PDE4D: variants seen among roughly 807,000 people sequenced by gnomAD.
PDE4D encodes 3',5'-cyclic-AMP phosphodiesterase 4D.
In PDE4D, 24 loss-of-function variants were observed where a neutral mutation model predicts 87.4. The ratio of observed to expected loss-of-function variants is 0.27; its 90% CI spans 0.20 to 0.39. The LOEUF (loss-of-function observed/expected upper bound fraction) is 0.39, where lower values mean the gene tolerates loss of function less well. Ranked by LOEUF, PDE4D falls within the 10% of genes least tolerant of loss-of-function variation. The pLI is 1.00. For missense variants in PDE4D, 714 were observed against 1,041.0 expected (o/e 0.69, Z 4.32); for synonymous variants, 384 against 383.2 (o/e 1.00, Z -0.02).
At chr5:60,266,369 A>T (rs906477302) in intron 1 of PDE4D, among the ~76,000 whole-genome samples, 1 of 152,226 alleles carries the variant, frequency 6.6e-6, no homozygotes, top group African/African-American at 2.4e-5. Context: ...TAAAGAAGGA[A>T]ACCTTGAAGT....
intron 1 of PDE4D, among the ~76,000 whole-genome samples, chr5:60,455,424 AT>A: frequency 6.6e-6 from 1 of 152,274 alleles, no homozygotes; most frequent in South Asian, 2.1e-4. Context: ...GGAAGGCTCT[AT>A]TTTAAAATGA....
At chr5:59,875,407 G>A (rs2152741115) in intron 1 of PDE4D, among the ~76,000 whole-genome samples, 1 of 134,924 alleles carries the variant, frequency 7.4e-6, no homozygotes, top group Admixed American at 8.6e-5. Flanking sequence ...GTTGCAGTGA[G>A]CCGAGATTGC....
chr5:60,270,048 G>A (rs1383772233), intron 1 of PDE4D, among the ~76,000 whole-genome samples: 2 of 152,136 alleles, frequency 1.3e-5, no homozygotes, highest in Non-Finnish European at 2.9e-5. Flanking sequence ...AAGGGAAATT[G>A]CCATAAGTCA....
intron 5 of PDE4D, among the ~76,000 whole-genome samples, chr5:59,175,781 ATTTTT>A (rs57572403): frequency 2.0e-3 from 190 of 94,594 alleles, no homozygotes; most frequent in African/African-American, 4.2e-3. Context: ...CCCGGCCTCC[ATTTTT>A]TTTTTTTTTT....
chr5:59,075,308 A>AT (rs1477073403), intron 5 of PDE4D, among the ~76,000 whole-genome samples: 4 of 152,138 alleles, frequency 2.6e-5, no homozygotes, highest in African/African-American at 9.7e-5. Flanking sequence ...AACTCATTTG[A>AT]TTTTGAATTA....
At chr5:59,385,699 GATAGT>G (rs1471769286) in intron 1 of PDE4D, among the ~76,000 whole-genome samples, 2 of 152,110 alleles carry the variant, frequency 1.3e-5, no homozygotes, top group Non-Finnish European at 2.9e-5. Context: ...ACGGGAAGGA[GATAGT>G]ATAGAGTCCT....
chr5:59,867,526 T>C (rs2152733663), intron 1 of PDE4D, among the ~76,000 whole-genome samples: 2 of 152,296 alleles, frequency 1.3e-5, no homozygotes, highest in East Asian at 3.9e-4. Context: ...AACAATCTAC[T>C]AAAATCCTTT....
intron 2 of PDE4D, chr5:60,127,810 G>A: frequency 4.5e-6 from 2 of 445,300 alleles, no homozygotes; most frequent in Admixed American, 3.9e-5. Flanking sequence ...AATATGGGCT[G>A]AATATACAAA....
intron 2 of PDE4D, among the ~76,000 whole-genome samples, chr5:60,076,210 GTGC>G (rs1355813045): frequency 6.6e-5 from 10 of 151,752 alleles, no homozygotes; most frequent in African/African-American, 2.2e-4. Context: ...CCAGTCTGGA[GTGC>G]AGTGGTGCAG....
chr5:60,101,501 C>T (rs543670446), intron 2 of PDE4D, among the ~76,000 whole-genome samples: 10 of 152,154 alleles, frequency 6.6e-5, no homozygotes, highest in South Asian at 4.1e-4. Flanking sequence ...CGAAGGTAAA[C>T]GAGTGAATTT....
At chr5:59,354,901 C>A (rs531556633) in intron 1 of PDE4D, among the ~76,000 whole-genome samples, 1 of 152,124 alleles carries the variant, frequency 6.6e-6, no homozygotes, top group Non-Finnish European at 1.5e-5. Context: ...TAAACTAGAA[C>A]CTCCAAACAG....
intron 1 of PDE4D, among the ~76,000 whole-genome samples, chr5:59,463,574 C>A (rs1338848404): frequency 6.6e-6 from 1 of 152,164 alleles, no homozygotes; most frequent in Admixed American, 6.5e-5. Flanking sequence ...TCTCTGCTAA[C>A]AAAGGTATTC....
chr5:59,682,642 C>G lies in PDE4D; in HGVS notation c.455+210526G>C, dbSNP rs1233493946. ...CCCTTATAAAAGAGACCCCAGAGAACTCTCTCTTCCTTTCTGCCATGTAAA... is the reference window on the plus strand; with the variant it reads ...CCCTTATAAAAGAGACCCCAGAGAAGTCTCTCTTCCTTTCTGCCATGTAAA... On this transcript the variant is annotated intron_variant, in intron 1 of 14. Coordinates refer to ENST00000340635, the MANE Select transcript of PDE4D (RefSeq NM_001104631.2). Among the ~76,000 whole-genome samples the G allele has an allele frequency of 8.5e-5, 13 of 152,162 alleles. 1 individual carries two copies. The highest frequency in any genetic ancestry group is 8.5e-4 in the Admixed American group (13 of 15,274).
intron 5 of PDE4D, among the ~76,000 whole-genome samples, chr5:59,162,265 T>G (rs1213717088): frequency 6.6e-6 from 1 of 152,250 alleles, no homozygotes; most frequent in East Asian, 1.9e-4. Context: ...GTACGGTTTC[T>G]GCAAGCTACC....
chr5:59,364,248 T>C (rs544779156), intron 1 of PDE4D, among the ~76,000 whole-genome samples: 11 of 152,216 alleles, frequency 7.2e-5, no homozygotes, highest in Non-Finnish European at 1.6e-4. Flanking sequence ...CTTTCAGTGT[T>C]ACCACTAATT....
intron 1 of PDE4D, among the ~76,000 whole-genome samples, chr5:59,269,680 G>T (rs1006403450): frequency 7.9e-5 from 12 of 151,834 alleles, no homozygotes; most frequent in African/African-American, 2.9e-4. Flanking sequence ...TTTGGGGTGG[G>T]GGGTAAATGT....
At chr5:59,135,749 C>T (rs1223730590) in intron 5 of PDE4D, among the ~76,000 whole-genome samples, 3 of 152,124 alleles carry the variant, frequency 2.0e-5, no homozygotes, top group African/African-American at 7.2e-5. Context: ...AAACCACTGC[C>T]TGAAGATACT....
chr5:59,457,828 G>A (rs1008097753), intron 1 of PDE4D, among the ~76,000 whole-genome samples: 5 of 152,038 alleles, frequency 3.3e-5, no homozygotes, highest in African/African-American at 4.8e-5. Context: ...CCCAGGAAAC[G>A]GAGTTTGCAG....
In PDE4D at chr5:59,498,144, A is replaced by G. The variant is rs979623360; in HGVS notation, c.456-282176T>C. Among the ~76,000 whole-genome samples the G allele has an allele frequency of 3.3e-5, 5 of 151,720 alleles. No homozygotes were observed. In the East Asian group the frequency reaches 9.7e-4, roughly 30 times the overall value. On this transcript the variant is annotated intron_variant, in intron 1 of 14. Coordinates refer to ENST00000340635, the MANE Select transcript of PDE4D (RefSeq NM_001104631.2). ...ATTGCTAAAAGAATCCATCACCACCACACTAGACCTACAAGAGATACTTAA... is the reference window on the plus strand; with the variant it reads ...ATTGCTAAAAGAATCCATCACCACCGCACTAGACCTACAAGAGATACTTAA...
Sources: gnomAD v4.1 joint callset for allele counts (sites outside exome capture counted in the v4.1 genomes callset) on GRCh38, gnomAD v4.1.1 for gene constraint, MANE v1.5 for transcripts, NCBI Gene and HGNC (gene_info 2026-07-23, HGNC 2026-07-21) for gene names.